Variants in AHI1 observed in about 807,000 individuals in gnomAD.
AHI1 encodes the protein jouberin.
A neutral mutation model predicts 149.3 loss-of-function variants in AHI1; 123 were observed. The observed-to-expected ratio is 0.82, with a 90% CI of 0.71 to 0.96. The LOEUF (loss-of-function observed/expected upper bound fraction) is 0.96. Ranked by LOEUF, AHI1 falls within the 40% of genes least tolerant of loss-of-function variation. The probability of loss-of-function intolerance (pLI) is 0.00; values close to 1 mark genes in which losing one functional copy is unlikely to be tolerated. For synonymous variants in AHI1, 475 were observed against 459.8 expected (o/e 1.03, Z -0.42); for missense variants, 1,439 against 1,422.7 (o/e 1.01, Z -0.18).
intron 11 of AHI1, 69 bp from the exon 12 acceptor site, chr6:135,448,544 TAA>T (rs1583283527): frequency 7.5e-6 from 9 of 1,198,930 alleles, no homozygotes; most frequent in Non-Finnish European, 1.0e-5. Context: ...AGCAATAGCA[TAA>T]AGTCAGAAAC....
intron 14 of AHI1, among the ~76,000 whole-genome samples, chr6:135,441,504 A>C (rs1203977005): frequency 2.0e-5 from 3 of 151,920 alleles, no homozygotes; most frequent in Non-Finnish European, 2.9e-5. Flanking sequence ...GACACATCAT[A>C]ATCAAATAGT....
intron 14 of AHI1, among the ~76,000 whole-genome samples, chr6:135,441,906 CAATT>C (rs1786359040): frequency 6.6e-6 from 1 of 151,922 alleles, no homozygotes; most frequent in African/African-American, 2.4e-5. Flanking sequence ...GGGAATCAAC[CAATT>C]AATAGCAAAC....
At chr6:135,444,705 T>A (rs1786884773) in intron 13 of AHI1, among the ~76,000 whole-genome samples, 1 of 152,222 alleles carries the variant, frequency 6.6e-6, no homozygotes, top group Admixed American at 6.5e-5. Context: ...AAAAATAAAA[T>A]AAAAGTAACT....
Position 135,466,018 on chromosome 6 carries a change from A to C in AHI1, c.545T>G (p.Leu182Ter). Residue 182 changes from leucine (L) to a stop codon, truncating the protein, a stop_gained, in exon 7 of 29, where the codon TTA (leucine) becomes TGA (stop). Coordinates refer to ENST00000265602, the MANE Select transcript of AHI1 (RefSeq NM_001134831.2). LOFTEE classifies it high-confidence loss of function. ...KANEGREETD[L>*]EEDEELMQAY... is the part of the protein sequence containing the mutation. ...TTGCATCAATTCTTCATCCTCTTCT[A>C]AATCAGTCTCTTCTCTTCCCTCATT... is the stretch of plus-strand genomic sequence containing the variant. The C allele has an allele frequency of 1.2e-6, 2 of 1,613,936 alleles. 1 individual carries two copies.
intron 23 of AHI1, among the ~76,000 whole-genome samples, chr6:135,388,257 C>T (rs1431973393): frequency 6.6e-6 from 1 of 152,124 alleles, no homozygotes; most frequent in East Asian, 1.9e-4. Context: ...CATTCTTTTT[C>T]AATTAACAGT....
At chr6:135,427,674 G>A (rs74603017) in intron 19 of AHI1, among the ~76,000 whole-genome samples, 1,587 of 151,594 alleles carry the variant, frequency 0.01, 13 homozygotes, top group Non-Finnish European at 0.017. Flanking sequence ...GAAATTACAG[G>A]ACTCTAAAAC....
chr6:135,369,586 T>C (rs1455212093), intron 23 of AHI1, among the ~76,000 whole-genome samples: 1 of 152,240 alleles, frequency 6.6e-6, no homozygotes, highest in Non-Finnish European at 1.5e-5. Flanking sequence ...CCATATTTTC[T>C]GTTTTCCTTC....
chr6:135,375,288 T>C (rs1207556249), intron 23 of AHI1, among the ~76,000 whole-genome samples: 1 of 151,936 alleles, frequency 6.6e-6, no homozygotes, highest in East Asian at 1.9e-4. Context: ...TAAGAATACC[T>C]TAAAAAAATC....
chr6:135,461,659 T>C (rs745582176), intron 8 of AHI1, among the ~76,000 whole-genome samples: 1 of 152,090 alleles, frequency 6.6e-6, no homozygotes, highest in Middle Eastern at 3.4e-3. Flanking sequence ...TGCCTAAAAC[T>C]AGAAACAACT....
intron 24 of AHI1, among the ~76,000 whole-genome samples, chr6:135,333,454 C>A (rs1023872474): frequency 6.6e-6 from 1 of 152,028 alleles, no homozygotes; most frequent in Non-Finnish European, 1.5e-5. Flanking sequence ...CCAGGGACAA[C>A]CCTAAAGATA....
At chr6:135,399,410 C>T (rs1173765001) in intron 22 of AHI1, among the ~76,000 whole-genome samples, 1 of 152,158 alleles carries the variant, frequency 6.6e-6, no homozygotes, top group Non-Finnish European at 1.5e-5. Context: ...TACAACAAAG[C>T]TTGTCTCCAT....
intron 5 of AHI1, among the ~76,000 whole-genome samples, chr6:135,475,043 C>A (rs1792371303): frequency 1.3e-5 from 2 of 152,088 alleles, no homozygotes; most frequent in Admixed American, 6.5e-5. Flanking sequence ...GGAGTAGTTT[C>A]CTTTGACAAA....
At chr6:135,359,684 T>C (rs978110148) in intron 23 of AHI1, among the ~76,000 whole-genome samples, 1 of 152,196 alleles carries the variant, frequency 6.6e-6, no homozygotes, top group Non-Finnish European at 1.5e-5. Flanking sequence ...ATGAGAGTGG[T>C]CATGCCAGAG....
chr6:135,455,979 GAAAAA>G (rs992296708), intron 9 of AHI1, 53 bp from the exon 10 acceptor site: 1 of 1,237,660 alleles, frequency 8.1e-7, no homozygotes, highest in African/African-American at 1.5e-5. Context: ...TTTGAGGTGA[GAAAAA>G]AATATATAGT....
In AHI1 at chr6:135,465,883, T is replaced by C; in HGVS notation, c.680A>G (p.Asp227Gly). ...CCTTTTTTCACTGCTTAGTTTGTCA[T>C]CATGGAATAAAGTATCTGAGGGAAA... ...TYFPSDTLFH[D>G]DKLSSEKRKK... Residue 227 changes from aspartate to glycine, a missense_variant, in exon 7 of 29, where the codon GAT (aspartate) becomes GGT (glycine). By Grantham distance (94) the Asp-to-Gly change is moderately conservative. Coordinates refer to ENST00000265602, the MANE Select transcript of AHI1 (RefSeq NM_001134831.2). 3 of 1,548,868 alleles carry C rather than the reference T, an allele frequency of 1.9e-6. No homozygotes were observed. The highest frequency in any genetic ancestry group is 2.6e-6 in the Non-Finnish European group (3 of 1,151,656).
At chr6:135,304,198 G>A (rs1368128246) in intron 26 of AHI1, among the ~76,000 whole-genome samples, 1 of 152,058 alleles carries the variant, frequency 6.6e-6, no homozygotes, top group Non-Finnish European at 1.5e-5. Context: ...GGGACTACAG[G>A]TGTATGCCAT....
chr6:135,469,901 C>T (rs146459007), intron 5 of AHI1, among the ~76,000 whole-genome samples: 71 of 152,196 alleles, frequency 4.7e-4, no homozygotes, highest in African/African-American at 1.4e-3. Flanking sequence ...AGGACACAGG[C>T]ACAGGCAAAG....
At chr6:135,285,797 A>G in intron 28 of AHI1, 150 bp from the exon 29 acceptor site, 1 of 646,304 alleles carries the variant, frequency 1.5e-6, no homozygotes, top group Non-Finnish European at 2.6e-6. Flanking sequence ...AAAAAGACCA[A>G]AATACTAATT....
intron 5 of AHI1, among the ~76,000 whole-genome samples, chr6:135,477,958 C>T (rs1476176931): frequency 1.1e-4 from 16 of 151,236 alleles, no homozygotes; most frequent in Non-Finnish European, 1.8e-4. Context: ...CCACCACACC[C>T]GGCTAATTTT....
Sources: gnomAD v4.1 joint callset for allele counts (sites outside exome capture counted in the v4.1 genomes callset) on GRCh38, gnomAD v4.1.1 for gene constraint, MANE v1.5 for transcripts, NCBI Gene and HGNC (gene_info 2026-07-23, HGNC 2026-07-21) for gene names.